KYNU: variants seen among roughly 807,000 people sequenced by gnomAD.
The protein encoded by KYNU is kynureninase.
A neutral mutation model predicts 59.2 loss-of-function variants in KYNU; 54 were observed. That is an observed-to-expected ratio of 0.91 (90% confidence interval 0.73 to 1.14). The LOEUF (loss-of-function observed/expected upper bound fraction) is 1.14. KYNU is among the 50% of genes most tolerant of loss of function. The pLI is 0.00. For synonymous variants in KYNU, 177 were observed against 192.0 expected (o/e 0.92, Z 0.65); for missense variants, 567 against 554.4 (o/e 1.02, Z -0.23).
In KYNU at chr2:142,962,659, CTCAG is replaced by C. The variant is rs558882287; in HGVS notation, c.729+1893_729+1896del. ...CCTACCAAGTTAGTCTCATAGAACT[CTCAG>C]TCAAATAAATGAAGGTAGGAATGAG... On this transcript the variant is annotated intron_variant, in intron 8 of 13. Coordinates refer to ENST00000264170, the MANE Select transcript of KYNU (RefSeq NM_003937.3). Among the ~76,000 whole-genome samples the C allele has an allele frequency of 3.9e-5, 6 of 152,244 alleles. No individual in the cohort carries two copies. The South Asian group carries it at 1.2e-3, about 32-fold the overall frequency.
chr2:142,905,606 G>C (rs1410804958), intron 2 of KYNU, among the ~76,000 whole-genome samples: 1 of 152,188 alleles, frequency 6.6e-6, no homozygotes, highest in Non-Finnish European at 1.5e-5. Context: ...TAAGATTTTT[G>C]AGTTAGTAAG....
At chr2:143,020,758 A>G (rs1314113121) in intron 10 of KYNU, among the ~76,000 whole-genome samples, 1 of 152,226 alleles carries the variant, frequency 6.6e-6, no homozygotes, top group East Asian at 1.9e-4. Flanking sequence ...GTATAATTAT[A>G]CATAATTTAC....
rs1374793699 is a variant in KYNU at position 143,033,389 on chromosome 2, T to C, written c.1041+68T>C. 1.0e-5 allele frequency: 11 copies of C among 1,092,736 alleles called. No individual in the cohort carries two copies. In the East Asian group the frequency reaches 2.6e-4, roughly 26 times the overall value. 67.7% of individuals were successfully genotyped at this position (1,092,736 alleles called of 1,614,324 possible). ...TTCTTGATCTGTTTGTGACAATTCA[T>C]AGTACTTTCTCTGCTACACAGCAAG... On this transcript the variant is annotated intron_variant, in intron 12 of 13. Transcript: ENST00000264170.
chr2:143,055,697 G>C lies in KYNU; in HGVS notation c.*13525G>C, dbSNP rs942605100. On this transcript the variant is annotated 3_prime_UTR_variant, in exon 14 of 14. Coordinates refer to ENST00000264170, the MANE Select transcript of KYNU (RefSeq NM_003937.3). ...AAGGAAGGAAGGAAAGGGAGGAGAGGAGAGGAGAGGTAGGAGGGAAGAAGA... is the reference window on the plus strand; with the variant it reads ...AAGGAAGGAAGGAAAGGGAGGAGAGCAGAGGAGAGGTAGGAGGGAAGAAGA... 6.6e-6 allele frequency: 1 copy of C among 151,710 alleles called. No individual in the cohort carries two copies. The allele number at this position is 151,710 out of a possible 1,614,324, so 9.4% of individuals were successfully genotyped here. A position where few individuals can be genotyped will look rare whatever the true frequency, so the allele number is the denominator to read the frequency against.
At chr2:142,950,201 C>T (rs1055322393) in intron 4 of KYNU, among the ~76,000 whole-genome samples, 5 of 152,214 alleles carry the variant, frequency 3.3e-5, no homozygotes, top group Non-Finnish European at 7.3e-5. Flanking sequence ...CAAACTTTCC[C>T]ACATTTTCCT....
At chr2:142,920,063 AAAAT>A (rs537374502) in intron 3 of KYNU, among the ~76,000 whole-genome samples, 6 of 151,940 alleles carry the variant, frequency 3.9e-5, no homozygotes, top group East Asian at 1.9e-4. Flanking sequence ...CTGCTTCAAT[AAAAT>A]AAATAAATAA....
chr2:142,980,471 T>A (rs1685020282), intron 8 of KYNU, among the ~76,000 whole-genome samples: 1 of 152,096 alleles, frequency 6.6e-6, no homozygotes, highest in Non-Finnish European at 1.5e-5. Flanking sequence ...CAGGCCCTAC[T>A]CAAGATGGAG....
intron 2 of KYNU, among the ~76,000 whole-genome samples, chr2:142,914,155 G>C (rs999453556): frequency 3.3e-5 from 5 of 152,198 alleles, no homozygotes; most frequent in African/African-American, 1.2e-4. Context: ...GAGGTCAAGG[G>C]CTTCTCCCAT....
chr2:142,962,483 G>T (rs1210828510), intron 8 of KYNU, among the ~76,000 whole-genome samples: 1 of 152,146 alleles, frequency 6.6e-6, no homozygotes, highest in South Asian at 2.1e-4. Flanking sequence ...AAGTGGTTGA[G>T]AGACACTTTC....
intron 10 of KYNU, among the ~76,000 whole-genome samples, chr2:143,006,117 G>A (rs1558971060): frequency 6.6e-6 from 1 of 152,126 alleles, no homozygotes; most frequent in Non-Finnish European, 1.5e-5. Context: ...CAGAAGACGG[G>A]TGATTTCTGC....
intron 2 of KYNU, among the ~76,000 whole-genome samples, chr2:142,887,732 A>T (rs1437956963): frequency 6.6e-6 from 1 of 152,202 alleles, no homozygotes; most frequent in Non-Finnish European, 1.5e-5. Context: ...AAAACCAAGT[A>T]GAATGGTAGT....
At chr2:142,915,496 G>C (rs1682638193) in intron 2 of KYNU, among the ~76,000 whole-genome samples, 1 of 152,182 alleles carries the variant, frequency 6.6e-6, no homozygotes. Context: ...TAAATCTGAA[G>C]TGATGTTGAT....
At chr2:142,882,379 T>C (rs1374822317) in intron 1 of KYNU, among the ~76,000 whole-genome samples, 1 of 152,124 alleles carries the variant, frequency 6.6e-6, no homozygotes. Flanking sequence ...GTGCACAACG[T>C]GTAGGTTTGT....
chr2:143,037,116 C>A (rs1253574211), intron 12 of KYNU, among the ~76,000 whole-genome samples: 1 of 151,738 alleles, frequency 6.6e-6, no homozygotes, highest in Non-Finnish European at 1.5e-5. Context: ...ATTTTTTTAT[C>A]TGAATCATTT....
At position 143,053,110 on chromosome 2, in the gene KYNU, G is replaced by A. The variant is rs370085990; in HGVS notation, c.*10938G>A. 3.3e-5 allele frequency: 5 copies of A among 152,434 alleles called. No homozygotes were observed. In the East Asian group the frequency reaches 5.8e-4, roughly 18 times the overall value. The allele number at this position is 152,434 out of a possible 1,614,324, so 9.4% of individuals were successfully genotyped here. On this transcript the variant is annotated 3_prime_UTR_variant, in exon 14 of 14. Coordinates refer to ENST00000264170, the MANE Select transcript of KYNU (RefSeq NM_003937.3). ...GCCCCACTGGATTTCAGACTTTCAT[G>A]GGGCCTGTAGCCCCTTCGTTTTGGC...
At chr2:142,992,643 CAT>C (rs1254659120) in intron 10 of KYNU, among the ~76,000 whole-genome samples, 2 of 151,896 alleles carry the variant, frequency 1.3e-5, no homozygotes, top group African/African-American at 4.8e-5. Context: ...TACACACACA[CAT>C]ACATCTTTCT....
chr2:142,950,815 A>G (rs1043884259), intron 4 of KYNU, among the ~76,000 whole-genome samples: 5 of 152,208 alleles, frequency 3.3e-5, no homozygotes, highest in Non-Finnish European at 4.4e-5. Context: ...AGCTTTTGAC[A>G]TGTCTGCCTC....
At chr2:142,929,392 A>T (rs1444276383) in intron 4 of KYNU, among the ~76,000 whole-genome samples, 5 of 150,558 alleles carry the variant, frequency 3.3e-5, no homozygotes, top group Non-Finnish European at 5.9e-5. Flanking sequence ...AAGTAAACCA[A>T]ATCCTAATCT....
intron 10 of KYNU, among the ~76,000 whole-genome samples, chr2:142,994,539 T>C (rs1057325519): frequency 6.6e-6 from 1 of 152,050 alleles, no homozygotes; most frequent in African/African-American, 2.4e-5. Context: ...TTGGTCAGGA[T>C]TTAAGAAGAT....
Sources: gnomAD v4.1 joint callset for allele counts (sites outside exome capture counted in the v4.1 genomes callset) on GRCh38, gnomAD v4.1.1 for gene constraint, MANE v1.5 for transcripts, NCBI Gene and HGNC (gene_info 2026-07-23, HGNC 2026-07-21) for gene names.